Variants in RUFY1 observed in about 807,000 individuals in gnomAD.
RUFY1 encodes the protein RUN and FYVE domain containing 1.
In RUFY1, 54 loss-of-function variants were observed where a neutral mutation model predicts 94.6. The ratio of observed to expected loss-of-function variants is 0.57; its 90% CI spans 0.46 to 0.72. The LOEUF (loss-of-function observed/expected upper bound fraction) is 0.72, where lower values mean the gene tolerates loss of function less well. RUFY1 is among the 30% of genes least tolerant of loss of function. The pLI, the probability that RUFY1 is intolerant of heterozygous loss-of-function variation, is 0.00. For synonymous variants in RUFY1, 396 were observed against 347.3 expected (o/e 1.14, Z -1.56); for missense variants, 883 against 883.9 (o/e 1.00, Z 0.01).
In RUFY1 at chr5:179,609,452, AGCCGGTGCGAGTGTGCGACAGCT is replaced by A; in HGVS notation, c.2064_2086del (p.Val689HisfsTer112). 1 of 1,612,598 alleles carries A rather than the reference AGCCGGTGCGAGTGTGCGACAGCT, an allele frequency of 6.2e-7. No homozygotes were observed. Among genetic ancestry groups the A allele is most frequent in the Non-Finnish European group, 8.5e-7 (1 of 1,179,808 alleles). On this transcript the variant is annotated frameshift_variant, in exon 18 of 18. Coordinates refer to ENST00000319449, the MANE Select transcript of RUFY1 (RefSeq NM_025158.5). LOFTEE classifies it high-confidence loss of function. ...GAGCTGGCCCTGCCCTCCTACCCCA[AGCCGGTGCGAGTGTGCGACAGCT>A]GCCACACCCTGCTCCTGCAGCGCTG...
rs982640524 is a variant in RUFY1, at chr5:179,575,102, T to G, written c.829-1973T>G. 4.0e-5 allele frequency among the ~76,000 whole-genome samples: 6 copies of G among 148,416 alleles called. 1 individual carries two copies. The highest frequency in any genetic ancestry group is 1.5e-4 in the African/African-American group (6 of 40,478). On this transcript the variant is annotated intron_variant, in intron 5 of 17. Coordinates refer to ENST00000319449, the MANE Select transcript of RUFY1 (RefSeq NM_025158.5). ...TGGTAAAGATTCTGGGGAAAATTTT[T>G]CTAGAAGCTTTTCTACTTTTTCTAT...
Position 179,609,482 on chromosome 5 carries a change from C to T in RUFY1, c.2090C>T (p.Thr697Ile). 6.2e-7 allele frequency: 1 copy of T among 1,610,942 alleles called. No individual in the cohort carries two copies. Among genetic ancestry groups the T allele is most frequent in the Non-Finnish European group, 8.5e-7 (1 of 1,179,844 alleles). ...KPVRVCDSCH[T>I]LLLQRCSSTA... ...GTGCGAGTGTGCGACAGCTGCCACA[C>T]CCTGCTCCTGCAGCGCTGCTCCTCC... is the stretch of plus-strand genomic sequence containing the variant. The change falls in exon 18 of 18, where the codon ACC (threonine) becomes ATC (isoleucine). Residue 697 changes from threonine (T) to isoleucine (I), a missense_variant. Transcript: ENST00000319449.
At chr5:179,561,602 T>C (rs1014151734) in intron 2 of RUFY1, among the ~76,000 whole-genome samples, 2 of 151,218 alleles carry the variant, frequency 1.3e-5, no homozygotes, top group Non-Finnish European at 2.9e-5. Context: ...AATAAATCCT[T>C]GATTTTGCCA....
chr5:179,598,888 G>C, intron 14 of RUFY1, 67 bp downstream of exon 14: 1 of 1,579,934 alleles, frequency 6.3e-7, no homozygotes, highest in African/African-American at 1.5e-5. Context: ...CATGCTCCGG[G>C]CAGGCTCCTC....
chr5:179,551,804 C>T (rs10078712), intron 1 of RUFY1, among the ~76,000 whole-genome samples: 80,002 of 149,416 alleles, frequency 0.54, 22,056 homozygotes, highest in Non-Finnish European at 0.61. Context: ...TGAGCCACCG[C>T]GCCCGGCCGG....
intron 8 of RUFY1, among the ~76,000 whole-genome samples, chr5:179,588,353 C>G (rs1764776266): frequency 6.6e-6 from 1 of 152,156 alleles, no homozygotes; most frequent in South Asian, 2.1e-4. Flanking sequence ...CCCAGCTGCA[C>G]CTTCCTCTCT....
chr5:179,553,661 G>A (rs1273909384), intron 1 of RUFY1, among the ~76,000 whole-genome samples: 3 of 151,948 alleles, frequency 2.0e-5, no homozygotes, highest in African/African-American at 4.8e-5. Flanking sequence ...TTGGTGGTAC[G>A]CACCTGTAAT....
chr5:179,552,285 A>G (rs191075005), intron 1 of RUFY1, among the ~76,000 whole-genome samples: 61 of 152,146 alleles, frequency 4.0e-4, no homozygotes, highest in African/African-American at 1.4e-3. Context: ...AACATTGCCA[A>G]CTTCATAGAA....
chr5:179,573,063 C>G (rs988769897), intron 5 of RUFY1, among the ~76,000 whole-genome samples: 2 of 152,084 alleles, frequency 1.3e-5, no homozygotes, highest in Admixed American at 6.6e-5. Context: ...TGTGAAATAT[C>G]CATAATATGC....
intron 5 of RUFY1, chr5:179,572,185 G>T: frequency 3.3e-6 from 1 of 305,034 alleles, no homozygotes. Flanking sequence ...AGCTCGGAAA[G>T]CCAGCCCCTG....
chr5:179,581,316 A>G (rs1018752301), intron 7 of RUFY1, among the ~76,000 whole-genome samples: 3 of 152,114 alleles, frequency 2.0e-5, no homozygotes, highest in East Asian at 1.9e-4. Flanking sequence ...CATGGCAAGC[A>G]CTGTTGCTGC....
At chr5:179,598,392 C>A (rs1765905394) in intron 13 of RUFY1, 1 of 333,298 alleles carries the variant, frequency 3.0e-6, no homozygotes, top group Non-Finnish European at 5.5e-6. Flanking sequence ...TTTTGAGCTT[C>A]CTTTCCTCAG....
chr5:179,576,111 GTTCT>G (rs1411764626), intron 5 of RUFY1, among the ~76,000 whole-genome samples: 11 of 152,044 alleles, frequency 7.2e-5, no homozygotes, highest in Non-Finnish European at 1.0e-4. Context: ...TATCTACTGC[GTTCT>G]TTGTTATAGT....
chr5:179,607,743 T>C (rs1767257178), intron 17 of RUFY1, 84 bp downstream of exon 17: 2 of 1,221,186 alleles, frequency 1.6e-6, no homozygotes, highest in South Asian at 1.2e-5. Context: ...GAAGCCCATA[T>C]CAGAGCAGGC....
At position 179,596,787 on chromosome 5, in the gene RUFY1, CG is replaced by C. The variant is rs377300063; in HGVS notation, c.1631+113del. On this transcript the variant is annotated intron_variant, in intron 13 of 17. Coordinates refer to ENST00000319449, the MANE Select transcript of RUFY1 (RefSeq NM_025158.5). Reference sequence around the variant, plus strand: ...TCAGCACGAACGGGAGGAGGGGGGGCGGGGGGGCAGGTGGTATCCTGCTTCA... The same window carrying C: ...TCAGCACGAACGGGAGGAGGGGGGGCGGGGGGCAGGTGGTATCCTGCTTCA... 4.9e-3 allele frequency: 1,042 copies of C among 214,432 alleles called. 28 individuals are homozygous for C. In the African/African-American group the frequency reaches 0.094, roughly 19 times the overall value. The allele number at this position is 214,432 out of a possible 1,614,324, so 13.3% of individuals were successfully genotyped here. A position where few individuals can be genotyped will look rare whatever the true frequency, so the allele number is the denominator to read the frequency against.
At chr5:179,579,654 C>CTTCTTTTTTTTTTT in intron 6 of RUFY1, among the ~76,000 whole-genome samples, 1 of 38,638 alleles carries the variant, frequency 2.6e-5, no homozygotes, top group Non-Finnish European at 5.4e-5. Flanking sequence ...CCCTTTTCTT[C>CTTCTTTTTTTTTTT]TTCTTTTTTT....
chr5:179,605,829 C>T (rs766707116), intron 15 of RUFY1, 47 bp from the exon 16 acceptor site: 4 of 1,007,904 alleles, frequency 4.0e-6, no homozygotes, highest in African/African-American at 1.6e-5. Flanking sequence ...GGATTCAGAG[C>T]CTCACTCTCT....
At chr5:179,559,574 A>T in intron 1 of RUFY1, 1 of 747,802 alleles carries the variant, frequency 1.3e-6, no homozygotes, top group Non-Finnish European at 1.6e-6. Flanking sequence ...CCAGCTCCGT[A>T]GGAGAGGCCT....
At chr5:179,603,251 G>A (rs1048910070) in intron 15 of RUFY1, among the ~76,000 whole-genome samples, 20 of 129,522 alleles carry the variant, frequency 1.5e-4, no homozygotes, top group African/African-American at 5.6e-4. Flanking sequence ...GGCAACAAAA[G>A]TGAGAATCCA....
Sources: allele counts gnomAD v4.1 joint callset (sites outside exome capture counted in the v4.1 genomes callset), GRCh38; gene constraint gnomAD v4.1.1; transcripts MANE v1.5; gene names NCBI Gene and HGNC (gene_info 2026-07-23, HGNC 2026-07-21).